The following AXDND1 variants were observed in gnomAD, a reference collection of about 807,000 sequenced individuals.
The protein encoded by AXDND1 is axonemal dynein light chain domain containing 1.
In AXDND1, 110 loss-of-function variants were observed where a neutral mutation model predicts 137.5. The ratio of observed to expected loss-of-function variants is 0.80; its 90% CI spans 0.69 to 0.94. The LOEUF (loss-of-function observed/expected upper bound fraction) is 0.94, where lower values mean the gene tolerates loss of function less well. Ranked by LOEUF, AXDND1 falls within the 40% of genes least tolerant of loss-of-function variation. AXDND1 has a pLI of 0.00. For synonymous variants in AXDND1, 414 were observed against 399.7 expected, an observed-to-expected ratio of 1.04 and a Z score of -0.43; for missense variants, 1,191 against 1,169.8, an observed-to-expected ratio of 1.02 and a Z score of -0.26.
intron 16 of AXDND1, among the ~76,000 whole-genome samples, chr1:179,468,070 A>C (rs1029269535): frequency 6.6e-6 from 1 of 152,208 alleles, no homozygotes; most frequent in East Asian, 1.9e-4. Context: ...TCCCATAATC[A>C]TGAAGAAGCT....
chr1:179,473,984 G>A (rs1198764277), intron 17 of AXDND1, among the ~76,000 whole-genome samples: 1 of 152,110 alleles, frequency 6.6e-6, no homozygotes, highest in Non-Finnish European at 1.5e-5. Context: ...AACATTTTGG[G>A]AGGCCAACGT....
chr1:179,383,846 T>C (rs1648778188), intron 8 of AXDND1, among the ~76,000 whole-genome samples: 1 of 152,184 alleles, frequency 6.6e-6, no homozygotes, highest in African/African-American at 2.4e-5. Flanking sequence ...AAGGTATCAT[T>C]GATTGTAAGA....
chr1:179,468,602 C>G lies in AXDND1; in HGVS notation c.1958C>G (p.Thr653Ser), dbSNP rs781756972. 1 of 1,612,220 alleles carries G rather than the reference C, an allele frequency of 6.2e-7. No homozygotes were observed. Among genetic ancestry groups the G allele is most frequent in the Non-Finnish European group, 8.5e-7 (1 of 1,179,632 alleles). The change falls in exon 17 of 26, where the codon ACT becomes AGT. Residue 653 changes from threonine (T) to serine (S), a missense_variant. Thr to Ser is a moderately conservative substitution (Grantham distance 58). Transcript: ENST00000367618. Reference sequence around the variant, plus strand: ...CACTTGGATATATTGTTAAACCTTACTGGTATTGTTCCACAGCACATAGAT... The same window carrying G: ...CACTTGGATATATTGTTAAACCTTAGTGGTATTGTTCCACAGCACATAGAT... Reference protein sequence around the residue: ...KSHLDILLNLTGIVPQHIDVD... With the variant: ...KSHLDILLNLSGIVPQHIDVD...
At chr1:179,482,318 C>G (rs1280321009) in intron 17 of AXDND1, among the ~76,000 whole-genome samples, 1 of 151,954 alleles carries the variant, frequency 6.6e-6, no homozygotes, top group Non-Finnish European at 1.5e-5. Context: ...CCCAGACAAT[C>G]AGGGACCCAT....
chr1:179,454,691 G>A (rs1390551023), intron 16 of AXDND1: 2 of 152,176 alleles, frequency 1.3e-5, no homozygotes, highest in African/African-American at 4.8e-5. Context: ...ATGGGGAAGG[G>A]AGATTGTGTA....
chr1:179,466,282 C>CTTTTTTTTTTT (rs1491121382), intron 16 of AXDND1, among the ~76,000 whole-genome samples: 8 of 95,660 alleles, frequency 8.4e-5, no homozygotes, highest in East Asian at 3.5e-4. Flanking sequence ...TCTTCTTCTT[C>CTTTTTTTTTTT]TTCTTTTTTT....
intron 16 of AXDND1, among the ~76,000 whole-genome samples, chr1:179,465,908 G>A (rs913066298): frequency 7.2e-5 from 11 of 152,164 alleles, no homozygotes; most frequent in East Asian, 1.9e-4. Context: ...TGTGGGTGTC[G>A]GACCCTCTGA....
At chr1:179,488,647 CTTTCTTTCTT>C in intron 18 of AXDND1, among the ~76,000 whole-genome samples, 1 of 86,132 alleles carries the variant, frequency 1.2e-5, no homozygotes, top group East Asian at 3.0e-4. Flanking sequence ...TTCTTTCTTT[CTTTCTTTCTT>C]TCTTTCTTTC....
intron 16 of AXDND1, among the ~76,000 whole-genome samples, chr1:179,464,366 A>C (rs192399965): frequency 6.6e-6 from 1 of 152,230 alleles, no homozygotes; most frequent in Non-Finnish European, 1.5e-5. Flanking sequence ...TTTCTCCTTC[A>C]CTTATGAAGC....
intron 21 of AXDND1, among the ~76,000 whole-genome samples, chr1:179,520,996 C>CT (rs1486019909): frequency 2.4e-4 from 37 of 151,656 alleles, no homozygotes; most frequent in African/African-American, 7.5e-4. Flanking sequence ...GGATCATACT[C>CT]TGTCACCCAG....
chr1:179,396,877 A>C (rs1651158147), intron 11 of AXDND1, among the ~76,000 whole-genome samples: 1 of 152,088 alleles, frequency 6.6e-6, no homozygotes, highest in South Asian at 2.1e-4. Flanking sequence ...TATGGGTGTC[A>C]TTGCATGTGA....
At chr1:179,429,279 AT>A (rs1024319460) in intron 12 of AXDND1, among the ~76,000 whole-genome samples, 1 of 152,130 alleles carries the variant, frequency 6.6e-6, no homozygotes, top group Non-Finnish European at 1.5e-5. Context: ...TTGAGATAAC[AT>A]TTTTTGTATA....
chr1:179,380,614 T>C (rs1315284885), intron 6 of AXDND1, among the ~76,000 whole-genome samples: 2 of 152,212 alleles, frequency 1.3e-5, no homozygotes, highest in African/African-American at 2.4e-5. Flanking sequence ...TTTTATAGTT[T>C]AGAAAATGAG....
intron 20 of AXDND1, among the ~76,000 whole-genome samples, chr1:179,495,986 T>C (rs979842153): frequency 6.6e-6 from 1 of 151,712 alleles, no homozygotes; most frequent in African/African-American, 2.4e-5. Flanking sequence ...AGTTGTCTTT[T>C]TTAGTGCGTT....
chr1:179,535,351 C>A (rs1671439438), intron 25 of AXDND1, among the ~76,000 whole-genome samples: 1 of 152,014 alleles, frequency 6.6e-6, no homozygotes, highest in African/African-American at 2.4e-5. Flanking sequence ...TCAGGTATTT[C>A]TCCTAATGCT....
chr1:179,400,466 G>A (rs998669535), intron 11 of AXDND1, among the ~76,000 whole-genome samples: 4 of 151,960 alleles, frequency 2.6e-5, no homozygotes, highest in Non-Finnish European at 5.9e-5. Context: ...CAAATATGGT[G>A]CTGTGTATAC....
At chr1:179,550,394 A>G (rs745701184) in intron 25 of AXDND1, 3 of 152,174 alleles carry the variant, frequency 2.0e-5, no homozygotes, top group African/African-American at 7.2e-5. Context: ...GAAATAAACA[A>G]GCTGGTAAGT....
chr1:179,500,395 C>T (rs1026026001), intron 20 of AXDND1, among the ~76,000 whole-genome samples: 1 of 144,056 alleles, frequency 6.9e-6, no homozygotes, highest in Non-Finnish European at 1.5e-5. Context: ...TGCCTGCCAG[C>T]ATTAAGTAGT....
Position 179,444,977 on chromosome 1 carries a change from ATG to A in AXDND1, c.1572_1573del (p.Asn524LysfsTer22). ...CTTCCTTTCACTCTTTAGATCCTGA[ATG>A]AGAAAAAAGAAGAGTTTACTGGGGA... On this transcript the variant is annotated frameshift_variant, in exon 16 of 26. Transcript: ENST00000367618. LOFTEE classifies it high-confidence loss of function. The A allele has an allele frequency of 3.1e-6, 5 of 1,599,722 alleles. No homozygotes were observed. Among genetic ancestry groups the A allele is most frequent in the Non-Finnish European group, 4.3e-6 (5 of 1,168,158 alleles).
Sources: gnomAD v4.1 joint callset for allele counts (sites outside exome capture counted in the v4.1 genomes callset) on GRCh38, gnomAD v4.1.1 for gene constraint, MANE v1.5 for transcripts, NCBI Gene and HGNC (gene_info 2026-07-23, HGNC 2026-07-21) for gene names.